WNT3: variants seen among roughly 807,000 people sequenced by gnomAD.
WNT3 encodes the protein proto-oncogene Wnt-3.
WNT3 carries 7 observed loss-of-function variants against 34.2 expected under a neutral mutation model. The ratio of observed to expected loss-of-function variants is 0.20; its 90% CI spans 0.12 to 0.38. The LOEUF (loss-of-function observed/expected upper bound fraction) is 0.38, where lower values mean the gene tolerates loss of function less well. WNT3 is among the 10% of genes least tolerant of loss of function. The pLI is 1.00. For synonymous variants in WNT3, 212 were observed against 211.5 expected, an observed-to-expected ratio of 1.00 and a Z score of -0.02; for missense variants, 267 against 499.8, an observed-to-expected ratio of 0.53 and a Z score of 4.44.
intron 1 of WNT3, among the ~76,000 whole-genome samples, chr17:46,774,961 G>T (rs1254759017): frequency 6.6e-6 from 1 of 152,162 alleles, no homozygotes; most frequent in Non-Finnish European, 1.5e-5. Context: ...CTCCCTCTGT[G>T]TCCAGCACTG....
At chr17:46,773,979 C>A in intron 1 of WNT3, 70 bp from the exon 2 acceptor site, 1 of 1,564,184 alleles carries the variant, frequency 6.4e-7, no homozygotes, top group South Asian at 1.2e-5. Context: ...ACCATGGCCG[C>A]TTTGTGAACC....
At chr17:46,804,056 C>A (rs1170271183) in intron 1 of WNT3, among the ~76,000 whole-genome samples, 1 of 151,834 alleles carries the variant, frequency 6.6e-6, no homozygotes, top group African/African-American at 2.4e-5. Context: ...TTTGTCTTCT[C>A]CTTGACCTTG....
chr17:46,806,291 A>T (rs1447388661), intron 1 of WNT3, among the ~76,000 whole-genome samples: 1 of 142,562 alleles, frequency 7.0e-6, no homozygotes, highest in Non-Finnish European at 1.5e-5. Context: ...AGCTCACCGC[A>T]ACTTCAGCCC....
At chr17:46,790,013 C>A (rs1014175605) in intron 1 of WNT3, among the ~76,000 whole-genome samples, 4 of 152,142 alleles carry the variant, frequency 2.6e-5, no homozygotes, top group African/African-American at 7.2e-5. Context: ...ACCTGGACTT[C>A]CCCCACTCTA....
At chr17:46,803,714 C>A (rs779272445) in intron 1 of WNT3, among the ~76,000 whole-genome samples, 6 of 152,206 alleles carry the variant, frequency 3.9e-5, no homozygotes, top group Non-Finnish European at 8.8e-5. Flanking sequence ...CCCAGCCACA[C>A]CCTCAAGCTC....
At chr17:46,796,278 C>T (rs2084053530) in intron 1 of WNT3, among the ~76,000 whole-genome samples, 1 of 152,240 alleles carries the variant, frequency 6.6e-6, no homozygotes, top group Non-Finnish European at 1.5e-5. Context: ...ATAGTAGGTG[C>T]ACAATAAATG....
chr17:46,797,041 A>C (rs973434395), intron 1 of WNT3, among the ~76,000 whole-genome samples: 3 of 152,208 alleles, frequency 2.0e-5, no homozygotes, highest in African/African-American at 7.2e-5. Context: ...CCAAGGTTAA[A>C]TATTTTTGGA....
rs749719578 is a variant in WNT3, at chr17:46,779,103, A to ACACCCCCCC, written c.81-5195_81-5194insGGGGGGGTG. Reference sequence around the variant, plus strand: ...CACACACACACACACACACACACACACCCCAGCCCACTCGGCCTTCCAAAG... The same window carrying ACACCCCCCC: ...CACACACACACACACACACACACACACACCCCCCCCCCCAGCCCACTCGGCCTTCCAAAG... On this transcript the variant is annotated intron_variant, in intron 1 of 4. Transcript: ENST00000225512. Among the ~76,000 whole-genome samples the ACACCCCCCC allele has an allele frequency of 2.3e-4, 31 of 133,648 alleles. 1 individual carries two copies. Among genetic ancestry groups the ACACCCCCCC allele is most frequent in the Admixed American group, 1.6e-3 (21 of 12,822 alleles). The allele number at this position is 133,648 out of a possible 152,430, so 87.7% of individuals were successfully genotyped here. A position where few individuals can be genotyped will look rare whatever the true frequency, so the allele number is the denominator to read the frequency against.
chr17:46,771,133 G>C (rs1207709681), intron 2 of WNT3, among the ~76,000 whole-genome samples: 8 of 152,144 alleles, frequency 5.3e-5, no homozygotes, highest in Admixed American at 5.2e-4. Flanking sequence ...CGCTCTCCGC[G>C]GCCCCCACGC....
chr17:46,765,289 T>C (rs1359340451), intron 4 of WNT3, among the ~76,000 whole-genome samples: 1 of 152,182 alleles, frequency 6.6e-6, no homozygotes, highest in Non-Finnish European at 1.5e-5. Context: ...GATCCAGGAC[T>C]TGGGCGCAGC....
intron 1 of WNT3, among the ~76,000 whole-genome samples, chr17:46,787,221 G>GGC (rs1225302002): frequency 6.6e-6 from 1 of 151,660 alleles, no homozygotes; most frequent in Non-Finnish European, 1.5e-5. Flanking sequence ...GATTACAGGT[G>GGC]TGAGCCAGCG....
At position 46,769,965 on chromosome 17, in the gene WNT3, A is replaced by C; in HGVS notation, c.406T>G (p.Ser136Ala). The C allele has an allele frequency of 6.2e-7, 1 of 1,612,622 alleles. No individual in the cohort carries two copies. Among genetic ancestry groups the C allele is most frequent in the Non-Finnish European group, 8.5e-7 (1 of 1,179,630 alleles). Residue 136 changes from serine (S) to alanine (A), a missense_variant, in exon 3 of 5, where the codon TCC becomes GCC. Physicochemically the swap from Ser to Ala is moderately conservative, Grantham distance 99. Transcript: ENST00000225512. Reference protein sequence around the residue: ...AVTRSCAEGTSTICGCDSHHK... With the variant: ...AVTRSCAEGTATICGCDSHHK... ...TGCGAGTCACAGCCGCAAATGGTGG[A>C]GGTGCCCTCGGCGCAGGAGCGGGTG...
chr17:46,804,241 C>G (rs2084163179), intron 1 of WNT3, among the ~76,000 whole-genome samples: 1 of 152,038 alleles, frequency 6.6e-6, no homozygotes, highest in Non-Finnish European at 1.5e-5. Context: ...GTGCGTGCCA[C>G]CACACCCGGC....
intron 2 of WNT3, among the ~76,000 whole-genome samples, chr17:46,770,681 C>G (rs967599340): frequency 6.6e-6 from 1 of 152,220 alleles, no homozygotes; most frequent in African/African-American, 2.4e-5. Context: ...ATTCTCCTGC[C>G]CTCACGCCCA....
At position 46,768,531 on chromosome 17, in the gene WNT3, G is replaced by T; in HGVS notation, c.857C>A (p.Pro286His). Residue 286 changes from proline (P) to histidine (H), a missense_variant, in exon 4 of 5, where the codon CCC (proline) becomes CAC (histidine). Around this residue, in one of 3 missense-constraint regions of WNT3, gnomAD observed 181 missense variants for 391.3 expected, o/e 0.46. Coordinates refer to ENST00000225512, the MANE Select transcript of WNT3 (RefSeq NM_030753.5). This position sits in a 1 kb window ranked among gnomAD's most constrained non-coding sequence, Gnocchi z 5.0. ...YYENSPNFCE[P>H]NPETGSFGTR... ...GCCAAAGGAACCCGTCTCTGGGTTG[G>T]GCTCACAAAAGTTGGGGGAGTTCTC... 6.2e-7 allele frequency: 1 copy of T among 1,614,194 alleles called. No individual in the cohort carries two copies. Among genetic ancestry groups the T allele is most frequent in the Non-Finnish European group, 8.5e-7 (1 of 1,180,042 alleles).
chr17:46,791,279 TCTC>T (rs2083983395), intron 1 of WNT3, among the ~76,000 whole-genome samples: 1 of 151,948 alleles, frequency 6.6e-6, no homozygotes, highest in Admixed American at 6.6e-5. Flanking sequence ...AGTGGCGTGA[TCTC>T]AGCTCACTGC....
In WNT3 at chr17:46,814,494, C is replaced by G. The variant is rs2084315182; in HGVS notation, c.80+4024G>C. On this transcript the variant is annotated intron_variant, in intron 1 of 4. Transcript: ENST00000225512. ...TTCCAAGAGACCTGGACTAATTTCC[C>G]CGCCATATCCCCCCCAGGGAAAGGT... Among the ~76,000 whole-genome samples, 3 of 152,188 alleles carry G rather than the reference C, an allele frequency of 2.0e-5. No homozygotes were observed. In the South Asian group the frequency reaches 6.2e-4, roughly 32 times the overall value.
chr17:46,784,728 G>A (rs2059487706), intron 1 of WNT3, among the ~76,000 whole-genome samples: 1 of 152,004 alleles, frequency 6.6e-6, no homozygotes, highest in Non-Finnish European at 1.5e-5. Context: ...CCTACACAGA[G>A]GGAGCCACTG....
chr17:46,775,577 T>TAGAAAAAGC (rs1373052691), intron 1 of WNT3, among the ~76,000 whole-genome samples: 1 of 152,104 alleles, frequency 6.6e-6, no homozygotes, highest in Non-Finnish European at 1.5e-5. Flanking sequence ...ACTGAGCTTT[T>TAGAAAAAGC]TCTAAAGAGA....
Sources: gnomAD v4.1 joint callset for allele counts (sites outside exome capture counted in the v4.1 genomes callset) on GRCh38, gnomAD v4.1.1 for gene constraint, gnomAD v4.1.1 regional missense constraint, Gnocchi (gnomAD v3.1) non-coding constraint, MANE v1.5 for transcripts, NCBI Gene and HGNC (gene_info 2026-07-23, HGNC 2026-07-21) for gene names.